LTBP4: variants seen among roughly 807,000 people sequenced by gnomAD.
LTBP4 encodes latent transforming growth factor beta binding protein 4.
In LTBP4, 93 loss-of-function variants were observed where a neutral mutation model predicts 180.2. The ratio of observed to expected loss-of-function variants is 0.52; its 90% CI spans 0.44 to 0.61. LTBP4 has a LOEUF of 0.61. Ranked by LOEUF, LTBP4 falls within the 20% of genes least tolerant of loss-of-function variation. The pLI is 0.00. For missense variants in LTBP4, 2,116 were observed against 2,256.5 expected (o/e 0.94, Z 1.26); for synonymous variants, 947 against 934.5 (o/e 1.01, Z -0.24).
upstream of LTBP4, chr19:40,599,406 T>C: frequency 4.3e-6 from 7 of 1,612,798 alleles, no homozygotes; most frequent in Non-Finnish European, 5.9e-6. Context: ...ACTTAGTCCC[T>C]GGCTGTCTCC....
intron 6 of LTBP4, 76 bp from the exon 7 acceptor site, chr19:40,607,289 C>CAAA: frequency 2.5e-6 from 1 of 396,324 alleles, no homozygotes; most frequent in Non-Finnish European, 4.7e-6. Flanking sequence ...CAGAACCATT[C>CAAA]CCCTCTCTCC....
chr19:40,602,956 C>T (rs921022652), intron 1 of LTBP4, among the ~76,000 whole-genome samples: 40 of 152,274 alleles, frequency 2.6e-4, no homozygotes, highest in Admixed American at 6.5e-5. Context: ...TTAAGCCTCT[C>T]CTAGGCCCCA....
chr19:40,613,561 A>G lies in LTBP4; in HGVS notation c.2557+32A>G. Reference sequence around the variant, plus strand: ...ACCCGGGCTGATCCTGGCCCCGGAAAGGGTGGGCTTAGGGCAGGAAAAGGC... The same window carrying G: ...ACCCGGGCTGATCCTGGCCCCGGAAGGGGTGGGCTTAGGGCAGGAAAAGGC... On this transcript the variant is annotated intron_variant, in intron 17 of 29. Coordinates refer to ENST00000396819, the MANE Select transcript of LTBP4 (RefSeq NM_001042545.2). The surrounding 1 kb of genome is among the most constrained non-coding windows in gnomAD (Gnocchi z 5.0). 6.4e-7 allele frequency: 1 copy of G among 1,554,206 alleles called. No individual in the cohort carries two copies. Among genetic ancestry groups the G allele is most frequent in the Non-Finnish European group, 8.7e-7 (1 of 1,151,618 alleles).
In LTBP4 at chr19:40,606,314, C is replaced by T. The variant is rs910416077; in HGVS notation, c.868+7C>T. 22 of 1,271,180 alleles carry T rather than the reference C, an allele frequency of 1.7e-5. No homozygotes were observed. The Admixed American group carries it at 2.9e-4, about 17-fold the overall frequency. 78.7% of individuals were successfully genotyped at this position (1,271,180 alleles called of 1,614,324 possible). A position where few individuals can be genotyped will look rare whatever the true frequency, so the allele number is the denominator to read the frequency against. On this transcript the variant is annotated splice_region_variant and intron_variant, in intron 5 of 29. Coordinates refer to ENST00000396819, the MANE Select transcript of LTBP4 (RefSeq NM_001042545.2). ...GTTAATGGGTCCTGCGAAGGTGCAA[C>T]GGGGCAGGGGTGGGAGGGGCTTGGT...
chr19:40,612,293 C>T, intron 15 of LTBP4, 101 bp downstream of exon 15: 2 of 1,399,570 alleles, frequency 1.4e-6, no homozygotes, highest in Non-Finnish European at 1.9e-6. Flanking sequence ...TGACCTGGAC[C>T]TCAGTCCCTC....
At chr19:40,600,165 G>T, upstream of LTBP4, 1 of 1,255,168 alleles carries the variant, frequency 8.0e-7, no homozygotes. The surrounding 1 kb of genome is among the most constrained non-coding windows in gnomAD (Gnocchi z 4.4). Context: ...TGCCCCCGCT[G>T]GCAAGGCCCC....
At chr19:40,607,719 A>T (rs1197061832) in intron 7 of LTBP4, among the ~76,000 whole-genome samples, 190 bp downstream of exon 7, 4 of 152,118 alleles carry the variant, frequency 2.6e-5, no homozygotes, top group Non-Finnish European at 5.9e-5. Flanking sequence ...ATCTGTAGCC[A>T]CAGCCACCCC....
At chr19:40,599,278 T>G (rs925794112), upstream of LTBP4, 5 of 1,613,756 alleles carry the variant, frequency 3.1e-6, no homozygotes, top group Non-Finnish European at 4.2e-6. Context: ...AGATGGAGTA[T>G]GAGTAGGGGG....
chr19:40,625,789 G>A, intron 26 of LTBP4, 68 bp from the exon 27 acceptor site: 1 of 1,387,902 alleles, frequency 7.2e-7, no homozygotes, highest in Non-Finnish European at 9.5e-7. Flanking sequence ...CTCAGCAGGG[G>A]AAGGGTCCAG....
At position 40,605,685 on chromosome 19, in the gene LTBP4, C is replaced by A; in HGVS notation, c.690+33C>A. On this transcript the variant is annotated intron_variant, in intron 3 of 29. Coordinates refer to ENST00000396819, the MANE Select transcript of LTBP4 (RefSeq NM_001042545.2). This position sits in a 1 kb window ranked among gnomAD's most constrained non-coding sequence, Gnocchi z 5.5. Reference sequence around the variant, plus strand: ...GAGGCCCGTGGGGAGGGGCCCGGAGCTTGCCTCCGCGCGGGGGCGCGCTCA... The same window carrying A: ...GAGGCCCGTGGGGAGGGGCCCGGAGATTGCCTCCGCGCGGGGGCGCGCTCA... 2 of 1,547,240 alleles carry A rather than the reference C, an allele frequency of 1.3e-6. No homozygotes were observed. The highest frequency in any genetic ancestry group is 2.4e-5 in the South Asian group (2 of 83,700).
intron 19 of LTBP4, among the ~76,000 whole-genome samples, chr19:40,614,818 C>G (rs1294017744): frequency 6.6e-6 from 1 of 152,132 alleles, no homozygotes; most frequent in African/African-American, 2.4e-5. Context: ...TGGACGTGCC[C>G]TTTCCGCGCC....
At chr19:40,607,220 G>C in intron 6 of LTBP4, 145 bp from the exon 7 acceptor site, 1 of 711,042 alleles carries the variant, frequency 1.4e-6, no homozygotes, top group East Asian at 2.7e-5. Flanking sequence ...CTCTCCTTCA[G>C]ACCCTCTCAG....
At chr19:40,599,136 C>T (rs1489837317), upstream of LTBP4, 9 of 1,499,508 alleles carry the variant, frequency 6.0e-6, no homozygotes, top group Non-Finnish European at 7.3e-6. Context: ...CCCCGATTGC[C>T]CTCCTTTGCA....
In LTBP4 at chr19:40,627,093, C is replaced by T. The variant is rs781089229; in HGVS notation, c.4104C>T (p.Leu1368=). 1.2e-6 allele frequency: 2 copies of T among 1,613,994 alleles called. No homozygotes were observed. The highest frequency in any genetic ancestry group is 8.5e-7 in the Non-Finnish European group (1 of 1,179,862). Residue 1368 remains leucine, a synonymous_variant, in exon 28 of 30, where the codon CTC becomes CTT. Coordinates refer to ENST00000396819, the MANE Select transcript of LTBP4 (RefSeq NM_001042545.2). The part of the protein sequence containing the change: ...GPDLGPPYQG[L]PYGPELYPPP... ...ACTTAGGTCCACCTTACCAGGGCCT[C>T]CCATATGGGCCTGAGTTGTACCCAC...
chr19:40,612,966 T>C, intron 15 of LTBP4, 99 bp from the exon 16 acceptor site: 1 of 1,265,942 alleles, frequency 7.9e-7, no homozygotes, highest in Non-Finnish European at 1.1e-6. Context: ...CTCCAACTCA[T>C]GAGACTTCCC....
At chr19:40,600,562 C>T (rs1232332163), upstream of LTBP4, among the ~76,000 whole-genome samples, 3 of 152,216 alleles carry the variant, frequency 2.0e-5, no homozygotes, top group East Asian at 5.8e-4. The surrounding 1 kb of genome is among the most constrained non-coding windows in gnomAD (Gnocchi z 4.4). Context: ...GGCCAAAGGC[C>T]TCCTCCTGTT....
upstream of LTBP4, chr19:40,598,533 C>G (rs891439376): frequency 5.2e-5 from 8 of 152,798 alleles, no homozygotes; most frequent in African/African-American, 1.9e-4. Flanking sequence ...TGGGAGATGT[C>G]TGCAAGAACG....
At chr19:40,608,893 A>AGAG in intron 9 of LTBP4, 1 of 177,250 alleles carries the variant, frequency 5.6e-6, no homozygotes. Flanking sequence ...CTTGAGCGAC[A>AGAG]CTCCATCTCA....
chr19:40,605,901 C>A lies in LTBP4; in HGVS notation c.793+70C>A. 1 of 1,469,362 alleles carries A rather than the reference C, an allele frequency of 6.8e-7. No homozygotes were observed. The highest frequency in any genetic ancestry group is 2.0e-5 in the Admixed American group (1 of 48,832). The allele number at this position is 1,469,362 out of a possible 1,614,324, so 91.0% of individuals were successfully genotyped here. A position where few individuals can be genotyped will look rare whatever the true frequency, so the allele number is the denominator to read the frequency against. On this transcript the variant is annotated intron_variant, in intron 4 of 29. Transcript: ENST00000396819. The surrounding 1 kb of genome is among the most constrained non-coding windows in gnomAD (Gnocchi z 5.5). ...TGACAACCTCACCGTTCCTCCTACTCTGCCCTAGATAAACCCAGTTCACAA... is the reference window on the plus strand; with the variant it reads ...TGACAACCTCACCGTTCCTCCTACTATGCCCTAGATAAACCCAGTTCACAA...
Sources: gnomAD v4.1 joint callset for allele counts (sites outside exome capture counted in the v4.1 genomes callset) on GRCh38, gnomAD v4.1.1 for gene constraint, Gnocchi (gnomAD v3.1) non-coding constraint, MANE v1.5 for transcripts, NCBI Gene and HGNC (gene_info 2026-07-23, HGNC 2026-07-21) for gene names.